DHRSX: variants seen among roughly 807,000 people sequenced by gnomAD.
DHRSX encodes the protein polyprenol dehydrogenase.
A neutral mutation model predicts 34.0 loss-of-function variants in DHRSX; 31 were observed. The observed-to-expected ratio is 0.91, with a 90% CI of 0.69 to 1.23. DHRSX has a LOEUF of 1.23. Among genes scored for constraint, DHRSX ranks in the 50% most tolerant of loss-of-function variants. The probability of loss-of-function intolerance (pLI) is 0.00; values close to 1 mark genes in which losing one functional copy is unlikely to be tolerated. For synonymous variants in DHRSX, 201 were observed against 183.8 expected, an observed-to-expected ratio of 1.09 and a Z score of -0.76; for missense variants, 414 against 428.1, an observed-to-expected ratio of 0.97 and a Z score of 0.29.
intron 1 of DHRSX, among the ~76,000 whole-genome samples, chrX:2,430,692 T>C (rs148547260): frequency 0.021 from 3,157 of 152,076 alleles, 55 homozygotes; most frequent in South Asian, 0.054. Context: ...TGGCCCATCA[T>C]GTTCCTTCTT....
chrX:2,400,636 G>A (rs2043473992), intron 3 of DHRSX, among the ~76,000 whole-genome samples: 1 of 152,144 alleles, frequency 6.6e-6, no homozygotes, highest in African/African-American at 2.4e-5. Context: ...ACAAAGCTCT[G>A]ATTTTAGCAG....
At chrX:2,423,249 C>T (rs751221278) in intron 2 of DHRSX, among the ~76,000 whole-genome samples, 11 of 152,014 alleles carry the variant, frequency 7.2e-5, no homozygotes, top group African/African-American at 2.6e-4. Context: ...CCCATCTCTA[C>T]TAAAAATACA....
At chrX:2,482,909 G>A (rs896499440) in intron 1 of DHRSX, among the ~76,000 whole-genome samples, 16 of 152,058 alleles carry the variant, frequency 1.1e-4, no homozygotes, top group African/African-American at 3.1e-4. Context: ...GGGTCCACCC[G>A]TCAGCCAAAA....
chrX:2,238,393 G>A (rs1781207803), intron 6 of DHRSX, among the ~76,000 whole-genome samples: 1 of 151,914 alleles, frequency 6.6e-6, no homozygotes, highest in Non-Finnish European at 1.5e-5. Context: ...TTTTCTTCTG[G>A]TACCGACTGG....
intron 1 of DHRSX, among the ~76,000 whole-genome samples, chrX:2,463,458 G>T (rs1412526343): frequency 6.7e-6 from 1 of 148,174 alleles, no homozygotes; most frequent in Non-Finnish European, 1.5e-5. Flanking sequence ...AGTCTACACG[G>T]ATATAAAGAA....
intron 3 of DHRSX, among the ~76,000 whole-genome samples, chrX:2,348,540 A>G (rs968930537): frequency 2.0e-5 from 3 of 152,166 alleles, no homozygotes; most frequent in African/African-American, 7.2e-5. Context: ...AAGACCTCCC[A>G]GCAATAAGAA....
intron 3 of DHRSX, among the ~76,000 whole-genome samples, chrX:2,321,231 G>A (rs868227089): frequency 1.3e-5 from 2 of 152,132 alleles, no homozygotes; most frequent in South Asian, 2.1e-4. Flanking sequence ...ATGATGATCC[G>A]ATTTCGCCAT....
intron 3 of DHRSX, among the ~76,000 whole-genome samples, chrX:2,307,782 A>C (rs2042116419): frequency 6.8e-6 from 1 of 146,070 alleles, no homozygotes; most frequent in African/African-American, 2.6e-5. Context: ...AAAAAAAGTA[A>C]TAAAAATAAA....
At chrX:2,385,693 G>A (rs1398526997) in intron 3 of DHRSX, among the ~76,000 whole-genome samples, 3 of 152,198 alleles carry the variant, frequency 2.0e-5, no homozygotes, top group African/African-American at 7.2e-5. Flanking sequence ...TGGTCTACAG[G>A]TGGATGAGTT....
chrX:2,291,549 T>A lies in DHRSX; in HGVS notation c.341A>T (p.Gln114Leu), dbSNP rs147077159. 507 of 1,613,970 alleles carry A rather than the reference T, an allele frequency of 3.1e-4. 1 individual carries two copies. In the African/African-American group the frequency reaches 5.7e-3, roughly 18 times the overall value. The change falls in exon 4 of 7, where the codon CAG becomes CTG. Residue 114 changes from glutamine (Q) to leucine (L), a missense_variant. By Grantham distance (113) the Gln-to-Leu change is moderately radical (BLOSUM62 -2). Coordinates refer to ENST00000334651, the MANE Select transcript of DHRSX (RefSeq NM_145177.3). ...ASMTSIRQFVQKFKMKKIPLH... is the reference protein window; with the variant it reads ...ASMTSIRQFVLKFKMKKIPLH... The stretch of plus-strand genomic sequence containing the variant: ...AGGAATCTTCTTCATCTTGAACTTC[T>A]GCACAAACTGCCGGATGGAAGTCAT...
intron 1 of DHRSX, among the ~76,000 whole-genome samples, chrX:2,463,186 T>G (rs1344089775): frequency 1.3e-5 from 2 of 152,106 alleles, no homozygotes; most frequent in Admixed American, 6.5e-5. Flanking sequence ...TGAAGGTATT[T>G]TATTTTAGCA....
chrX:2,244,897 A>G (rs972122590), intron 5 of DHRSX, among the ~76,000 whole-genome samples: 3 of 151,902 alleles, frequency 2.0e-5, no homozygotes, highest in Middle Eastern at 3.4e-3. Context: ...TTTTTAGTAG[A>G]GACGAGGTTT....
chrX:2,474,017 G>A lies in DHRSX; in HGVS notation c.109+26800C>T, dbSNP rs187263106. ...CTGGGATGGCGAGGTGCAGAGAGGA[G>A]CAGGCTGGCTGCGTCTCTCACTGTG... On this transcript the variant is annotated intron_variant, in intron 1 of 6. Transcript: ENST00000334651. Among the ~76,000 whole-genome samples the A allele has an allele frequency of 2.8e-3, 418 of 151,966 alleles. 2 individuals carry two copies. The highest frequency in any genetic ancestry group is 4.7e-3 in the Non-Finnish European group (320 of 67,996).
chrX:2,468,577 A>G (rs2044534307), intron 1 of DHRSX, among the ~76,000 whole-genome samples: 6 of 137,300 alleles, frequency 4.4e-5, no homozygotes, highest in Admixed American at 2.2e-4. Flanking sequence ...GACTACTGCC[A>G]TGTACACACT....
At chrX:2,325,741 T>C (rs191969275) in intron 3 of DHRSX, among the ~76,000 whole-genome samples, 101 of 152,342 alleles carry the variant, frequency 6.6e-4, no homozygotes, top group African/African-American at 2.2e-3. Flanking sequence ...CTGAGCTCTA[T>C]GTAAATGAGA....
intron 3 of DHRSX, among the ~76,000 whole-genome samples, chrX:2,368,813 G>A (rs902836572): frequency 1.3e-5 from 2 of 152,128 alleles, no homozygotes; most frequent in African/African-American, 4.8e-5. Flanking sequence ...TTGTGCCACT[G>A]AACTCCAGCC....
At chrX:2,267,059 A>G in intron 4 of DHRSX, 112 bp from the exon 5 acceptor site, 6 of 1,087,352 alleles carry the variant, frequency 5.5e-6, no homozygotes, top group Non-Finnish European at 8.4e-6. Context: ...GGTGGGGTGT[A>G]GAGCTGGCGG....
intron 1 of DHRSX, among the ~76,000 whole-genome samples, chrX:2,494,376 A>G (rs1186240966): frequency 6.6e-6 from 1 of 151,972 alleles, no homozygotes; most frequent in Non-Finnish European, 1.5e-5. Context: ...AACCTGGAGC[A>G]AAGGTTTTTA....
chrX:2,339,229 A>G (rs1434126373), intron 3 of DHRSX, among the ~76,000 whole-genome samples: 1 of 151,762 alleles, frequency 6.6e-6, no homozygotes, highest in Non-Finnish European at 1.5e-5. Context: ...TCCACCTCCC[A>G]CGCTCAAGCA....
Sources: gnomAD v4.1 joint callset for allele counts (sites outside exome capture counted in the v4.1 genomes callset) on GRCh38, gnomAD v4.1.1 for gene constraint, MANE v1.5 for transcripts, NCBI Gene and HGNC (gene_info 2026-07-23, HGNC 2026-07-21) for gene names.